Variants in ERC1 observed in about 807,000 individuals in gnomAD.
ERC1 encodes RAB6 interacting protein 2.
A neutral mutation model predicts 132.0 loss-of-function variants in ERC1; 56 were observed. The ratio of observed to expected loss-of-function variants is 0.42; its 90% CI spans 0.34 to 0.53. The LOEUF is 0.53. ERC1 is among the 20% of genes least tolerant of loss of function. The probability of loss-of-function intolerance (pLI) is 0.03; values close to 1 mark genes in which losing one functional copy is unlikely to be tolerated. For synonymous variants in ERC1, 478 were observed against 476.1 expected, an observed-to-expected ratio of 1.00 and a Z score of -0.05; for missense variants, 1,202 against 1,349.9, an observed-to-expected ratio of 0.89 and a Z score of 1.72.
chr12:1,238,161 C>CTTT (rs34549684), intron 13 of ERC1, among the ~76,000 whole-genome samples: 122 of 143,756 alleles, frequency 8.5e-4, no homozygotes, highest in South Asian at 1.5e-3. Context: ...GTTCTTCCTC[C>CTTT]TTTTTTTTTT....
chr12:1,031,392 A>G (rs1226491216), intron 2 of ERC1, among the ~76,000 whole-genome samples: 2 of 152,188 alleles, frequency 1.3e-5, no homozygotes, highest in African/African-American at 2.4e-5. Context: ...TTTCTACTGT[A>G]TATTAGAGGC....
intron 8 of ERC1, among the ~76,000 whole-genome samples, chr12:1,169,289 C>CT (rs1158144723): frequency 3.9e-5 from 6 of 152,200 alleles, no homozygotes; most frequent in Non-Finnish European, 8.8e-5. Flanking sequence ...AAGCCCTCCA[C>CT]TTTCCCTAGA....
chr12:1,408,852 G>A (rs557710641), intron 17 of ERC1, among the ~76,000 whole-genome samples: 2 of 152,274 alleles, frequency 1.3e-5, no homozygotes, highest in East Asian at 1.9e-4. Flanking sequence ...TAGTTTCTTG[G>A]AAGAAGGGAA....
chr12:1,314,867 C>T (rs1254996759), intron 15 of ERC1, among the ~76,000 whole-genome samples: 1 of 152,126 alleles, frequency 6.6e-6, no homozygotes, highest in Non-Finnish European at 1.5e-5. Context: ...TATTTTACCT[C>T]TGGGCTCTAT....
chr12:1,250,315 A>G (rs1490194613), intron 13 of ERC1, among the ~76,000 whole-genome samples: 4 of 152,090 alleles, frequency 2.6e-5, no homozygotes, highest in Non-Finnish European at 5.9e-5. Flanking sequence ...TGGACTTGTT[A>G]TTGCCTTATC....
At chr12:1,338,281 T>C (rs2083479483) in intron 15 of ERC1, among the ~76,000 whole-genome samples, 1 of 152,222 alleles carries the variant, frequency 6.6e-6, no homozygotes, top group South Asian at 2.1e-4. Context: ...TTTCAAAACG[T>C]CAGTCTTCAA....
At chr12:1,348,952 G>A (rs1200262445) in intron 15 of ERC1, among the ~76,000 whole-genome samples, 4 of 152,112 alleles carry the variant, frequency 2.6e-5, no homozygotes, top group Non-Finnish European at 2.9e-5. Context: ...CACACCTCAT[G>A]TGCTTATACA....
chr12:1,485,988 A>G (rs1174284092), intron 18 of ERC1, among the ~76,000 whole-genome samples: 1 of 152,266 alleles, frequency 6.6e-6, no homozygotes. Flanking sequence ...ATACAACCAT[A>G]AATGGGCCTA....
At chr12:1,418,603 CTTT>C (rs2092253207) in intron 17 of ERC1, among the ~76,000 whole-genome samples, 1 of 77,566 alleles carries the variant, frequency 1.3e-5, no homozygotes, top group Non-Finnish European at 2.9e-5. Flanking sequence ...TTCTTTCTTT[CTTT>C]CTTTCTTTCT....
intron 1 of ERC1, among the ~76,000 whole-genome samples, chr12:1,002,784 A>G (rs1962656602): frequency 6.6e-6 from 1 of 152,124 alleles, no homozygotes; most frequent in African/African-American, 2.4e-5. Context: ...AGGTTGAATA[A>G]TTTTATGTTG....
rs41401645 is a variant in ERC1, at chr12:1,102,157, G to A, written c.1087-2593G>A. 9.2e-3 allele frequency among the ~76,000 whole-genome samples: 1,404 copies of A among 152,104 alleles called. 20 individuals are homozygous for A. The highest frequency in any genetic ancestry group is 0.031 in the African/African-American group (1,275 of 41,470). On this transcript the variant is annotated intron_variant, in intron 3 of 18. Transcript: ENST00000360905. ...ATTTTTTTTTTTCTGGTACCAGCTA[G>A]AGTTTGCAAAGGAGGTGAACTGACA...
intron 12 of ERC1, 39 bp downstream of exon 12, chr12:1,190,091 G>C: frequency 6.5e-7 from 1 of 1,545,186 alleles, no homozygotes; most frequent in Non-Finnish European, 8.9e-7. Flanking sequence ...TGAGGTTAAA[G>C]TATGGTTTTA....
Position 1,083,408 on chromosome 12 carries a change from G to A in ERC1, c.914G>A (p.Arg305Gln), listed in dbSNP as rs1322224635. The change falls in exon 3 of 19, where the codon CGG becomes CAG. Residue 305 changes from arginine (R) to glutamine (Q), a missense_variant. Physicochemically the swap from Arg to Gln is conservative, Grantham distance 43. Transcript: ENST00000360905. ...ACTCAAAAGCAGACCCTAAATGCTCGGGATGAATCCATTAAGAAGCTTCTG... is the reference window on the plus strand; with the variant it reads ...ACTCAAAAGCAGACCCTAAATGCTCAGGATGAATCCATTAAGAAGCTTCTG... ...IETQKQTLNA[R>Q]DESIKKLLEM... 3.1e-6 allele frequency: 5 copies of A among 1,614,104 alleles called. No individual in the cohort carries two copies. The highest frequency in any genetic ancestry group is 2.2e-5 in the East Asian group (1 of 44,886).
In ERC1 at chr12:1,417,287, G is replaced by A. The variant is rs149547831; in HGVS notation, c.3024+9040G>A. On this transcript the variant is annotated intron_variant, in intron 17 of 18. Coordinates refer to ENST00000360905, the MANE Select transcript of ERC1 (RefSeq NM_178040.4). Reference sequence around the variant, plus strand: ...TCACTAGCTGTCTCAGAACTCTGCCGTCTGCTATTAAAAGCCAAGCTTTCT... The same window carrying A: ...TCACTAGCTGTCTCAGAACTCTGCCATCTGCTATTAAAAGCCAAGCTTTCT... Among the ~76,000 whole-genome samples the A allele has an allele frequency of 7.4e-3, 1,125 of 152,030 alleles. 11 individuals carry two copies. Among genetic ancestry groups the A allele is most frequent in the Non-Finnish European group, 0.013 (882 of 68,000 alleles).
At chr12:1,460,522 T>C (rs918707849) in intron 18 of ERC1, among the ~76,000 whole-genome samples, 13 of 152,280 alleles carry the variant, frequency 8.5e-5, no homozygotes, top group Middle Eastern at 6.8e-3. Flanking sequence ...TTCATTACCA[T>C]TACAGTGTTT....
At chr12:1,196,945 CACACACACACACACACATAT>C (rs1472546203) in intron 12 of ERC1, among the ~76,000 whole-genome samples, 9 of 39,194 alleles carry the variant, frequency 2.3e-4, no homozygotes, top group East Asian at 7.1e-4. Flanking sequence ...CACACACACA[CACACACACACACACACATAT>C]ATATATATAT....
chr12:1,221,466 A>G (rs1196182673), intron 12 of ERC1, among the ~76,000 whole-genome samples: 2 of 152,206 alleles, frequency 1.3e-5, no homozygotes, highest in Admixed American at 1.3e-4. Flanking sequence ...AAAAATGTTG[A>G]ATTGATCATT....
intron 18 of ERC1, among the ~76,000 whole-genome samples, chr12:1,455,297 T>C (rs1033126792): frequency 3.3e-5 from 5 of 152,218 alleles, no homozygotes; most frequent in African/African-American, 1.2e-4. Flanking sequence ...CCTATTGATC[T>C]GTGGAACACT....
At chr12:1,413,255 TA>T (rs532585239) in intron 17 of ERC1, among the ~76,000 whole-genome samples, 2 of 150,678 alleles carry the variant, frequency 1.3e-5, no homozygotes, top group Non-Finnish European at 3.0e-5. Flanking sequence ...CCTCCACTCA[TA>T]AAAAAAAATA....
Sources: allele counts gnomAD v4.1 joint callset (sites outside exome capture counted in the v4.1 genomes callset), GRCh38; gene constraint gnomAD v4.1.1; transcripts MANE v1.5; gene names NCBI Gene and HGNC (gene_info 2026-07-23, HGNC 2026-07-21).